The following GABRB1 variants were observed in gnomAD, a reference collection of about 807,000 sequenced individuals.
GABRB1 encodes gamma-aminobutyric acid type A receptor subunit beta1.
Under a neutral mutation model 51.6 loss-of-function variants are expected in GABRB1, and 17 were observed. The ratio of observed to expected loss-of-function variants is 0.33; its 90% CI spans 0.23 to 0.49. The LOEUF (loss-of-function observed/expected upper bound fraction) is 0.49. Among genes scored for constraint, GABRB1 ranks in the 20% least tolerant of loss-of-function variants. The pLI is 0.99. For synonymous variants in GABRB1, 247 were observed against 218.9 expected, an observed-to-expected ratio of 1.13 and a Z score of -1.14; for missense variants, 410 against 600.6, an observed-to-expected ratio of 0.68 and a Z score of 3.32.
At chr4:47,054,324 C>T (rs1726493854) in intron 3 of GABRB1, among the ~76,000 whole-genome samples, 1 of 152,180 alleles carries the variant, frequency 6.6e-6, no homozygotes, top group Non-Finnish European at 1.5e-5. Flanking sequence ...CAACCACAGT[C>T]TGAAGGTCGG....
At chr4:47,299,227 A>G (rs1378025579) in intron 4 of GABRB1, among the ~76,000 whole-genome samples, 1 of 152,210 alleles carries the variant, frequency 6.6e-6, no homozygotes, top group African/African-American at 2.4e-5. Context: ...GCAAAAGACA[A>G]AATTGACAAA....
chr4:47,366,953 G>A (rs892515037), intron 5 of GABRB1, among the ~76,000 whole-genome samples: 3 of 152,128 alleles, frequency 2.0e-5, no homozygotes. Context: ...TGTGTAAGTG[G>A]ATTATAACCT....
chr4:47,074,614 G>A (rs1014335251), intron 3 of GABRB1, among the ~76,000 whole-genome samples: 4 of 152,110 alleles, frequency 2.6e-5, no homozygotes, highest in Non-Finnish European at 1.5e-5. Flanking sequence ...CATTAGCTCC[G>A]TTATAATATT....
intron 1 of GABRB1, 24 bp downstream of exon 1, chr4:47,031,755 G>T (rs11735112): frequency 0.089 from 42,809 of 479,340 alleles, 1,378 homozygotes; most frequent in East Asian, 0.35. Flanking sequence ...GTTGAATCTC[G>T]CTCTCTCTCT....
At chr4:47,086,386 T>C (rs1442811539) in intron 3 of GABRB1, among the ~76,000 whole-genome samples, 1 of 152,158 alleles carries the variant, frequency 6.6e-6, no homozygotes, top group East Asian at 1.9e-4. Flanking sequence ...AGATACCTTA[T>C]CAAAATCAAC....
intron 4 of GABRB1, among the ~76,000 whole-genome samples, chr4:47,233,364 G>T (rs1721213296): frequency 1.3e-5 from 2 of 152,030 alleles, no homozygotes; most frequent in Admixed American, 1.3e-4. Flanking sequence ...TCTAACTTCT[G>T]CATTTAACAT....
At chr4:47,226,942 T>C (rs1720962965) in intron 4 of GABRB1, among the ~76,000 whole-genome samples, 1 of 152,192 alleles carries the variant, frequency 6.6e-6, no homozygotes, top group African/African-American at 2.4e-5. Flanking sequence ...GAGTGAATAA[T>C]AACCACTGTT....
At chr4:47,241,909 T>C (rs918263228) in intron 4 of GABRB1, among the ~76,000 whole-genome samples, 2 of 152,320 alleles carry the variant, frequency 1.3e-5, no homozygotes, top group African/African-American at 4.8e-5. Flanking sequence ...TATTATACTT[T>C]AAGTTCTAGG....
intron 4 of GABRB1, among the ~76,000 whole-genome samples, chr4:47,165,607 T>C (rs917891493): frequency 2.0e-5 from 3 of 152,140 alleles, no homozygotes; most frequent in African/African-American, 4.8e-5. Context: ...TGTTCTTCTG[T>C]CTTTTTGTTA....
intron 1 of GABRB1, among the ~76,000 whole-genome samples, chr4:47,012,151 G>A (rs925881192): frequency 2.5e-4 from 38 of 152,102 alleles, no homozygotes; most frequent in African/African-American, 9.2e-4. Context: ...TAAATACCAT[G>A]TAACATTATT....
At chr4:47,107,369 G>A (rs1715012333) in intron 3 of GABRB1, among the ~76,000 whole-genome samples, 1 of 152,030 alleles carries the variant, frequency 6.6e-6, no homozygotes, top group East Asian at 1.9e-4. Flanking sequence ...TCTCTCAACT[G>A]CTCACCAACC....
chr4:47,371,460 G>C (rs940409634), intron 5 of GABRB1, among the ~76,000 whole-genome samples: 1 of 152,106 alleles, frequency 6.6e-6, no homozygotes, highest in Non-Finnish European at 1.5e-5. Flanking sequence ...CCCAGTAATG[G>C]GATTGCTGGT....
intron 4 of GABRB1, among the ~76,000 whole-genome samples, chr4:47,236,304 C>A (rs977911192): frequency 6.6e-6 from 1 of 151,938 alleles, no homozygotes; most frequent in Non-Finnish European, 1.5e-5. Context: ...ACTTGCCCTG[C>A]CAACAAAAAG....
At chr4:47,243,010 T>C (rs1159434404) in intron 4 of GABRB1, among the ~76,000 whole-genome samples, 3 of 152,246 alleles carry the variant, frequency 2.0e-5, no homozygotes, top group Non-Finnish European at 4.4e-5. Context: ...AGGGTTTTTA[T>C]GGTTTTAGGT....
At chr4:47,032,304 G>A (rs1725353761) in intron 2 of GABRB1, 113 bp from the exon 3 acceptor site, 9 of 984,966 alleles carry the variant, frequency 9.1e-6, no homozygotes, top group East Asian at 2.4e-5. Context: ...GTGGTGGGGG[G>A]AGCAGGGAGG....
At chr4:47,250,679 T>C (rs1281338292) in intron 4 of GABRB1, among the ~76,000 whole-genome samples, 1 of 152,212 alleles carries the variant, frequency 6.6e-6, no homozygotes, top group African/African-American at 2.4e-5. Context: ...CTTTGTTGGA[T>C]TGGATTAACT....
intron 3 of GABRB1, among the ~76,000 whole-genome samples, chr4:47,055,619 C>T (rs1245775948): frequency 1.3e-5 from 2 of 152,190 alleles, no homozygotes; most frequent in Admixed American, 1.3e-4. Context: ...GGGAAGATGT[C>T]TCACTTGACA....
At chr4:47,267,119 GA>G (rs571904030) in intron 4 of GABRB1, among the ~76,000 whole-genome samples, 13 of 151,756 alleles carry the variant, frequency 8.6e-5, no homozygotes, top group Admixed American at 6.6e-4. Context: ...TTAGCAATTT[GA>G]AAAAAAATCT....
At chr4:47,365,353 C>T (rs1207705292) in intron 5 of GABRB1, among the ~76,000 whole-genome samples, 1 of 152,178 alleles carries the variant, frequency 6.6e-6, no homozygotes, top group East Asian at 1.9e-4. Context: ...GCCCTTTAAT[C>T]TATCACTCAT....
Sources: allele counts gnomAD v4.1 joint callset (sites outside exome capture counted in the v4.1 genomes callset), GRCh38; gene constraint gnomAD v4.1.1; transcripts MANE v1.5; gene names NCBI Gene and HGNC (gene_info 2026-07-23, HGNC 2026-07-21).